Variants in LRRTM4 observed in about 807,000 individuals in gnomAD.
LRRTM4 encodes leucine rich repeat transmembrane neuronal 4.
Under a neutral mutation model 47.6 loss-of-function variants are expected in LRRTM4, and 25 were observed. That is an observed-to-expected ratio of 0.53 (90% CI 0.38 to 0.73). The LOEUF is 0.73. Among genes scored for constraint, LRRTM4 ranks in the 30% least tolerant of loss-of-function variants. The pLI, the probability that LRRTM4 is intolerant of heterozygous loss-of-function variation, is 0.00. For synonymous variants in LRRTM4, 311 were observed against 269.5 expected, an observed-to-expected ratio of 1.15 and a Z score of -1.51; for missense variants, 638 against 713.4, an observed-to-expected ratio of 0.89 and a Z score of 1.20.
chr2:77,063,459 C>T (rs1679857514), intron 3 of LRRTM4, among the ~76,000 whole-genome samples: 1 of 152,118 alleles, frequency 6.6e-6, no homozygotes, highest in African/African-American at 2.4e-5. Flanking sequence ...ACCAAATTAC[C>T]TGTACTGTTA....
chr2:77,449,296 T>C (rs981288950), intron 3 of LRRTM4, among the ~76,000 whole-genome samples: 1 of 152,174 alleles, frequency 6.6e-6, no homozygotes, highest in Non-Finnish European at 1.5e-5. Context: ...AATGAGAGGA[T>C]TTTTTCAAAG....
At chr2:76,969,172 C>A (rs936140382) in intron 3 of LRRTM4, among the ~76,000 whole-genome samples, 2 of 151,976 alleles carry the variant, frequency 1.3e-5, no homozygotes, top group African/African-American at 4.8e-5. Flanking sequence ...CTCCACCACA[C>A]AGCTAATTAG....
chr2:77,053,817 C>T (rs900799933), intron 3 of LRRTM4, among the ~76,000 whole-genome samples: 3 of 152,076 alleles, frequency 2.0e-5, no homozygotes, highest in East Asian at 3.9e-4. Context: ...AAAATATCTT[C>T]CCATTTAATA....
intron 3 of LRRTM4, among the ~76,000 whole-genome samples, chr2:77,443,294 G>A (rs1183225223): frequency 6.6e-6 from 1 of 152,112 alleles, no homozygotes; most frequent in African/African-American, 2.4e-5. Flanking sequence ...GCAGCAATGA[G>A]TCACAGGGAT....
At chr2:77,186,789 CAGCTAAGAGTTGAGAG>C (rs775484179) in intron 3 of LRRTM4, among the ~76,000 whole-genome samples, 123 of 152,142 alleles carry the variant, frequency 8.1e-4, no homozygotes, top group South Asian at 6.2e-3. Flanking sequence ...AATTGGGGTC[CAGCTAAGAGTTGAGAG>C]AAGCTTGGTT....
intron 3 of LRRTM4, among the ~76,000 whole-genome samples, chr2:77,033,042 G>A (rs921133845): frequency 4.0e-5 from 6 of 151,842 alleles, no homozygotes; most frequent in Admixed American, 2.6e-4. Flanking sequence ...AATATCTCTC[G>A]GGACAATCAC....
chr2:76,829,791 C>G (rs1356121011), intron 3 of LRRTM4, among the ~76,000 whole-genome samples: 2 of 151,998 alleles, frequency 1.3e-5, no homozygotes, highest in Non-Finnish European at 2.9e-5. Context: ...GCTCTTCTCT[C>G]CCCTAAAGTG....
intron 3 of LRRTM4, among the ~76,000 whole-genome samples, chr2:77,272,606 G>T (rs894036203): frequency 6.6e-6 from 1 of 152,160 alleles, no homozygotes; most frequent in Non-Finnish European, 1.5e-5. Context: ...CCCCTCTAAA[G>T]CTCATGAAGA....
intron 3 of LRRTM4, among the ~76,000 whole-genome samples, chr2:77,111,283 A>ATTTTTTT (rs71381260): frequency 3.5e-5 from 4 of 113,166 alleles, no homozygotes; most frequent in Admixed American, 9.4e-5. Context: ...ACACCTGGCT[A>ATTTTTTT]TTTTTTTTTT....
chr2:77,057,925 G>C (rs573790355), intron 3 of LRRTM4, among the ~76,000 whole-genome samples: 8 of 152,212 alleles, frequency 5.3e-5, no homozygotes, highest in Admixed American at 2.0e-4. Flanking sequence ...TTGGATGCAC[G>C]TAAGTGTATT....
intron 3 of LRRTM4, among the ~76,000 whole-genome samples, chr2:77,045,823 C>G (rs1244167799): frequency 1.3e-5 from 2 of 151,870 alleles, no homozygotes; most frequent in Non-Finnish European, 2.9e-5. Context: ...TGGACAAGCA[C>G]AGCATTTTTT....
intron 3 of LRRTM4, among the ~76,000 whole-genome samples, chr2:77,086,024 A>G (rs1680699326): frequency 6.6e-6 from 1 of 152,214 alleles, no homozygotes; most frequent in Non-Finnish European, 1.5e-5. Flanking sequence ...TACGTGAGTT[A>G]AATTCAATTT....
intron 3 of LRRTM4, among the ~76,000 whole-genome samples, chr2:77,443,604 A>G (rs1255510365): frequency 1.3e-5 from 2 of 152,152 alleles, no homozygotes; most frequent in African/African-American, 4.8e-5. Context: ...AATTACTAGT[A>G]TCACCTGCTA....
At chr2:76,905,998 C>A (rs1266669641) in intron 3 of LRRTM4, among the ~76,000 whole-genome samples, 1 of 152,106 alleles carries the variant, frequency 6.6e-6, no homozygotes, top group East Asian at 1.9e-4. Flanking sequence ...ACAGAGAACG[C>A]CACAAAGATA....
chr2:76,843,831 A>G (rs766291944), intron 3 of LRRTM4, among the ~76,000 whole-genome samples: 2 of 152,156 alleles, frequency 1.3e-5, no homozygotes, highest in Non-Finnish European at 2.9e-5. Flanking sequence ...ATGAAAAGTA[A>G]AAACAACATC....
chr2:76,995,684 A>C (rs1470504), intron 3 of LRRTM4, among the ~76,000 whole-genome samples: 76,520 of 151,832 alleles, frequency 0.5, 19,998 homozygotes, highest in African/African-American at 0.63. Context: ...TGTCCACACA[A>C]CTGGGACCAA....
At chr2:76,780,017 A>T (rs560433413) in intron 3 of LRRTM4, among the ~76,000 whole-genome samples, 1 of 152,208 alleles carries the variant, frequency 6.6e-6, no homozygotes, top group East Asian at 1.9e-4. Flanking sequence ...TCCTTCACTT[A>T]TGAAGCTTAG....
chr2:77,310,391 A>T (rs1217449489), intron 3 of LRRTM4, among the ~76,000 whole-genome samples: 1 of 152,136 alleles, frequency 6.6e-6, no homozygotes, highest in Admixed American at 6.6e-5. Context: ...AGTTTTTATC[A>T]TTAGTTGTCA....
At chr2:76,917,657 A>G (rs1674299942) in intron 3 of LRRTM4, among the ~76,000 whole-genome samples, 1 of 152,168 alleles carries the variant, frequency 6.6e-6, no homozygotes. Context: ...GGAGCTAGGA[A>G]GCTCTAGTTA....
Sources: gnomAD v4.1 joint callset for allele counts (sites outside exome capture counted in the v4.1 genomes callset) on GRCh38, gnomAD v4.1.1 for gene constraint, MANE v1.5 for transcripts, NCBI Gene and HGNC (gene_info 2026-07-23, HGNC 2026-07-21) for gene names.